Variants in RBFOX1 observed in about 807,000 individuals in gnomAD.
RBFOX1 encodes RNA binding fox-1 homolog 1.
A neutral mutation model predicts 57.7 loss-of-function variants in RBFOX1; 8 were observed. The observed-to-expected ratio is 0.14, with a 90% CI of 0.08 to 0.25. RBFOX1 has a LOEUF of 0.25. RBFOX1 is among the 10% of genes least tolerant of loss of function. The pLI is 1.00. For synonymous variants in RBFOX1, 326 were observed against 222.4 expected, an observed-to-expected ratio of 1.47 and a Z score of -4.15; for missense variants, 611 against 548.5, an observed-to-expected ratio of 1.11 and a Z score of -1.14.
chr16:5,352,865 C>T (rs1038996894), intron 1 of RBFOX1, among the ~76,000 whole-genome samples: 1 of 152,076 alleles, frequency 6.6e-6, no homozygotes, highest in African/African-American at 2.4e-5. Context: ...ATTATCTGAG[C>T]CTGGGAGATT....
rs547380301 is a variant in RBFOX1, at chr16:5,737,931, T to G, written c.319-129372T>G. ...TGCAGGTTTGTTACATAGGTACACA[T>G]GTGCCACAGTGGCTGGCTGCACCCG... On this transcript the variant is annotated intron_variant, in intron 3 of 19. Transcript: ENST00000641259. Among the ~76,000 whole-genome samples, 34 of 152,318 alleles carry G rather than the reference T, an allele frequency of 2.2e-4. 1 individual carries two copies. In the South Asian group the frequency reaches 6.4e-3, roughly 29 times the overall value.
At chr16:6,966,503 C>T (rs534477419) in intron 3 of RBFOX1, among the ~76,000 whole-genome samples, 3 of 151,960 alleles carry the variant, frequency 2.0e-5, no homozygotes, top group Admixed American at 6.6e-5. Context: ...TATTAGGTGG[C>T]GAGAGGGGCG....
At chr16:6,600,432 C>A (rs898917744) in intron 2 of RBFOX1, among the ~76,000 whole-genome samples, 3 of 152,182 alleles carry the variant, frequency 2.0e-5, no homozygotes, top group African/African-American at 7.2e-5. Context: ...TCTCATTCTG[C>A]ACACTCGTGT....
chr16:6,210,021 G>C (rs1473216357), intron 1 of RBFOX1, among the ~76,000 whole-genome samples: 1 of 151,900 alleles, frequency 6.6e-6, no homozygotes, highest in Non-Finnish European at 1.5e-5. Flanking sequence ...GACAAAGTTA[G>C]AAATCTTACA....
chr16:6,500,896 T>TTTTTTTTTTGTTTGTTTGTTTG (rs2095896619), intron 2 of RBFOX1, among the ~76,000 whole-genome samples: 2 of 142,332 alleles, frequency 1.4e-5, no homozygotes, highest in Non-Finnish European at 1.5e-5. Flanking sequence ...TTTTTTTTTT[T>TTTTTTTTTTGTTTGTTTGTTTG]TTTTTAATGC....
chr16:5,532,990 A>T (rs2044548270), intron 2 of RBFOX1, among the ~76,000 whole-genome samples: 1 of 152,210 alleles, frequency 6.6e-6, no homozygotes, highest in South Asian at 2.1e-4. Context: ...CATATAAAAT[A>T]AATTATACCC....
At chr16:7,687,320 C>T (rs998324840) in intron 14 of RBFOX1, among the ~76,000 whole-genome samples, 7 of 151,976 alleles carry the variant, frequency 4.6e-5, no homozygotes, top group Non-Finnish European at 1.0e-4. Flanking sequence ...TTGCAAGGAA[C>T]CTCCCTTTGA....
intron 1 of RBFOX1, among the ~76,000 whole-genome samples, chr16:6,100,140 G>T (rs2096286162): frequency 6.6e-6 from 1 of 151,238 alleles, no homozygotes; most frequent in East Asian, 1.9e-4. Flanking sequence ...TTGCATTATT[G>T]TTTTTTTTGT....
At chr16:6,673,446 G>A (rs552298975) in intron 3 of RBFOX1, among the ~76,000 whole-genome samples, 1 of 152,064 alleles carries the variant, frequency 6.6e-6, no homozygotes, top group Non-Finnish European at 1.5e-5. Context: ...AAATTAGTCG[G>A]GCCTGGTGGT....
chr16:7,532,400 G>A (rs1252389189), intron 5 of RBFOX1, among the ~76,000 whole-genome samples: 1 of 152,138 alleles, frequency 6.6e-6, no homozygotes, highest in Non-Finnish European at 1.5e-5. Flanking sequence ...GGGGACGAGG[G>A]GAGATAGGGT....
At chr16:7,467,246 T>C (rs1181750665) in intron 4 of RBFOX1, among the ~76,000 whole-genome samples, 4 of 152,158 alleles carry the variant, frequency 2.6e-5, no homozygotes, top group African/African-American at 7.2e-5. Flanking sequence ...ATGAGTCTCC[T>C]AGGCGACCTC....
intron 2 of RBFOX1, among the ~76,000 whole-genome samples, chr16:6,642,211 C>T (rs1352451354): frequency 6.6e-6 from 1 of 152,276 alleles, no homozygotes; most frequent in African/African-American, 2.4e-5. Context: ...TTTTTCAGCA[C>T]ACAAACTTGC....
intron 1 of RBFOX1, among the ~76,000 whole-genome samples, chr16:5,424,972 T>A (rs1401036467): frequency 2.0e-5 from 1 of 50,354 alleles, no homozygotes; most frequent in Non-Finnish European, 3.4e-5. Flanking sequence ...TTCTCTTTCT[T>A]TCTTTCTTTT....
intron 4 of RBFOX1, among the ~76,000 whole-genome samples, chr16:7,079,879 A>G (rs2058885204): frequency 6.6e-6 from 1 of 151,914 alleles, no homozygotes. Flanking sequence ...GTAGAATTCC[A>G]GTTTTGCAAG....
At chr16:5,427,649 C>T (rs1305728519) in intron 1 of RBFOX1, among the ~76,000 whole-genome samples, 1 of 152,032 alleles carries the variant, frequency 6.6e-6, no homozygotes. Flanking sequence ...GGTAGTTGGA[C>T]AGGCTGGAGG....
chr16:7,109,449 G>C (rs1011811828), intron 4 of RBFOX1, among the ~76,000 whole-genome samples: 1 of 152,112 alleles, frequency 6.6e-6, no homozygotes, highest in African/African-American at 2.4e-5. Context: ...AGGAAAGTGA[G>C]GCCCCCAGGT....
Position 7,710,968 on chromosome 16 carries a change from T to C in RBFOX1, c.*223T>C. On this transcript the variant is annotated 3_prime_UTR_variant, in exon 16 of 16. Transcript: ENST00000550418. The stretch of plus-strand genomic sequence containing the variant: ...AATTTCTGAAGGTTCCGTAGTTTGG[T>C]TGCTGGCTGTAGGAGTTTTTGTGGT... 1 of 517,388 alleles carries C rather than the reference T, an allele frequency of 1.9e-6. No individual in the cohort carries two copies. The highest frequency in any genetic ancestry group is 2.0e-5 in the African/African-American group (1 of 50,284). The allele number at this position is 517,388 out of a possible 1,614,324, so 32.0% of individuals were successfully genotyped here.
At chr16:7,381,329 C>T (rs1002361498) in intron 4 of RBFOX1, among the ~76,000 whole-genome samples, 1 of 152,212 alleles carries the variant, frequency 6.6e-6, no homozygotes, top group East Asian at 1.9e-4. Flanking sequence ...ATGCATATAA[C>T]TTGTGGGAAA....
intron 3 of RBFOX1, among the ~76,000 whole-genome samples, chr16:6,934,919 C>T (rs146523019): frequency 6.6e-6 from 1 of 151,980 alleles, no homozygotes; most frequent in Non-Finnish European, 1.5e-5. Context: ...AACCCTGTCT[C>T]TACCAAAAAT....
Sources: gnomAD v4.1 joint callset for allele counts (sites outside exome capture counted in the v4.1 genomes callset) on GRCh38, gnomAD v4.1.1 for gene constraint, MANE v1.5 for transcripts, NCBI Gene and HGNC (gene_info 2026-07-23, HGNC 2026-07-21) for gene names.